UBAP2: variants seen among roughly 807,000 people sequenced by gnomAD.
UBAP2 encodes ubiquitin associated protein 2, also known as ubiquitin-associated protein 2.
A neutral mutation model predicts 139.6 loss-of-function variants in UBAP2; 75 were observed. The ratio of observed to expected loss-of-function variants is 0.54; its 90% CI spans 0.45 to 0.65. UBAP2 has a LOEUF of 0.65. Among genes scored for constraint, UBAP2 ranks in the 30% least tolerant of loss-of-function variants. The pLI is 0.00. For synonymous variants in UBAP2, 526 were observed against 526.2 expected (o/e 1.00, Z 0.01); for missense variants, 1,368 against 1,369.6 (o/e 1.00, Z 0.02).
chr9:34,016,097 AGAG>A (rs1824230982), intron 2 of UBAP2, among the ~76,000 whole-genome samples: 2 of 151,944 alleles, frequency 1.3e-5, no homozygotes. Flanking sequence ...GAGAAAAGGG[AGAG>A]GAGATGATGA....
In UBAP2 at chr9:33,953,432, A is replaced by ACTGTGC; in HGVS notation, c.908_909insGCACAG (p.His302_Ser303insArgHis). 1.9e-6 allele frequency: 3 copies of ACTGTGC among 1,614,148 alleles called. No homozygotes were observed. The highest frequency in any genetic ancestry group is 2.5e-6 in the Non-Finnish European group (3 of 1,180,006). On this transcript the variant is annotated inframe_insertion, in exon 12 of 29. Coordinates refer to ENST00000379238, the MANE Select transcript of UBAP2 (RefSeq NM_001370062.2). ...CAAAGGAGTTGGCTTCTGAGGCTTG[A>ACTGTGC]CTGTGAGGAACAGGCTTCTGGAGCA...
chr9:33,987,714 C>T (rs1207248813), intron 5 of UBAP2, among the ~76,000 whole-genome samples: 1 of 152,194 alleles, frequency 6.6e-6, no homozygotes, highest in Non-Finnish European at 1.5e-5. Flanking sequence ...TCTTTGTGGA[C>T]TTGCTGTGAA....
chr9:33,991,423 T>C (rs185181683), intron 4 of UBAP2, among the ~76,000 whole-genome samples: 1 of 152,290 alleles, frequency 6.6e-6, no homozygotes, highest in Admixed American at 6.5e-5. Flanking sequence ...CTAAGTAGTC[T>C]AGTGTATCCA....
chr9:33,986,725 T>C (rs372836688), intron 6 of UBAP2, 35 bp downstream of exon 6: 11 of 1,583,718 alleles, frequency 6.9e-6, no homozygotes, highest in African/African-American at 6.7e-5. Flanking sequence ...TTCCCCCTAA[T>C]TGAAAGCATT....
At chr9:33,981,579 C>T (rs1462049432) in intron 6 of UBAP2, among the ~76,000 whole-genome samples, 4 of 151,330 alleles carry the variant, frequency 2.6e-5, no homozygotes, top group Non-Finnish European at 4.4e-5. Context: ...ATCTTGAACT[C>T]CTGAGCTCAA....
At chr9:33,997,446 T>C (rs1024545387) in intron 3 of UBAP2, 4 of 152,224 alleles carry the variant, frequency 2.6e-5, no homozygotes, top group African/African-American at 9.6e-5. Flanking sequence ...GCAAAGCCCA[T>C]CTAGAACCCA....
intron 11 of UBAP2, among the ~76,000 whole-genome samples, chr9:33,954,486 G>A (rs1350539401): frequency 1.3e-5 from 2 of 152,068 alleles, no homozygotes; most frequent in African/African-American, 4.8e-5. Flanking sequence ...AGTAGGACCT[G>A]CCAGATGCAC....
intron 9 of UBAP2, among the ~76,000 whole-genome samples, 161 bp from the exon 10 acceptor site, chr9:33,961,039 C>T (rs763686232): frequency 1.3e-5 from 2 of 152,106 alleles, no homozygotes; most frequent in Admixed American, 6.6e-5. Context: ...AATCTATTCT[C>T]GGTAAAATCA....
At position 33,966,659 on chromosome 9, in the gene UBAP2, C is replaced by T. The variant is rs554215114; in HGVS notation, c.680-2868G>A. The stretch of plus-strand genomic sequence containing the variant: ...CAACATGTTGCATAATATTAACATA[C>T]AAATCTTGCATATACGTAGTCAGAA... On this transcript the variant is annotated intron_variant, in intron 8 of 28. Coordinates refer to ENST00000379238, the MANE Select transcript of UBAP2 (RefSeq NM_001370062.2). 7.9e-5 allele frequency among the ~76,000 whole-genome samples: 12 copies of T among 152,102 alleles called. No individual in the cohort carries two copies. In the East Asian group the frequency reaches 2.3e-3, roughly 29 times the overall value.
At chr9:33,951,374 G>C (rs1164102767) in intron 12 of UBAP2, among the ~76,000 whole-genome samples, 1 of 103,410 alleles carries the variant, frequency 9.7e-6, no homozygotes, top group East Asian at 3.5e-4. Context: ...TTGAGATAGA[G>C]TTTCTCTCGT....
In UBAP2 at chr9:33,973,169, T is replaced by A. The variant is rs780084527; in HGVS notation, c.575+14A>T. 1 of 1,612,338 alleles carries A rather than the reference T, an allele frequency of 6.2e-7. No homozygotes were observed. The highest frequency in any genetic ancestry group is 8.5e-7 in the Non-Finnish European group (1 of 1,178,924). On this transcript the variant is annotated intron_variant, in intron 7 of 28. Transcript: ENST00000379238. Reference sequence around the variant, plus strand: ...GAAGTAAATAATTATAAAAATAGGATGGCTATCACTTACCCCATGCCTTGG... The same window carrying A: ...GAAGTAAATAATTATAAAAATAGGAAGGCTATCACTTACCCCATGCCTTGG...
Position 33,987,756 on chromosome 9 carries a change from G to A in UBAP2, c.443-919C>T, listed in dbSNP as rs193169116. ...GCTTCAAAAAAACTACTTCCATTAT[G>A]CAACTACGTTAATGTATCACAGAAT... On this transcript the variant is annotated intron_variant, in intron 5 of 28. Transcript: ENST00000379238. Among the ~76,000 whole-genome samples the A allele has an allele frequency of 5.3e-5, 8 of 152,240 alleles. 1 individual carries two copies. Among genetic ancestry groups the A allele is most frequent in the Admixed American group, 3.3e-4 (5 of 15,288 alleles).
intron 2 of UBAP2, among the ~76,000 whole-genome samples, chr9:34,005,496 T>C (rs1823128372): frequency 6.6e-6 from 1 of 151,870 alleles, no homozygotes; most frequent in Non-Finnish European, 1.5e-5. Flanking sequence ...GTTTTTCTAT[T>C]TCTTCTTTAA....
At chr9:33,948,684 C>A in intron 12 of UBAP2, 97 bp from the exon 13 acceptor site, 1 of 1,001,374 alleles carries the variant, frequency 1.0e-6, no homozygotes, top group South Asian at 1.6e-5. Context: ...ATGTTAAAAC[C>A]TATAATCTAA....
chr9:34,046,536 C>G (rs370740927), intron 1 of UBAP2, among the ~76,000 whole-genome samples: 102 of 148,940 alleles, frequency 6.8e-4, no homozygotes, highest in African/African-American at 2.5e-3. Flanking sequence ...GCCAGCTACT[C>G]GGGAGGCTGA....
intron 6 of UBAP2, among the ~76,000 whole-genome samples, chr9:33,977,523 G>T (rs987466949): frequency 6.6e-6 from 1 of 152,032 alleles, no homozygotes; most frequent in Non-Finnish European, 1.5e-5. Flanking sequence ...TCAGAATAAA[G>T]ATCCAGAGTC....
At chr9:33,933,928 T>G (rs758141548) in intron 17 of UBAP2, 3 of 274,896 alleles carry the variant, frequency 1.1e-5, no homozygotes, top group African/African-American at 2.1e-5. Context: ...TAAAGGAACC[T>G]AAGCTGTAGA....
chr9:34,005,374 G>GC lies in UBAP2; in HGVS notation c.100-6511dup, dbSNP rs568563076. 1.1e-4 allele frequency among the ~76,000 whole-genome samples: 16 copies of GC among 148,890 alleles called. No individual in the cohort carries two copies. In the East Asian group the frequency reaches 2.7e-3, roughly 26 times the overall value. ...CGCTTGAACCTGGGAGGCAGAGGGT[G>GC]CAGTGAGCCTAGATCATGCCATTGC... On this transcript the variant is annotated intron_variant, in intron 2 of 28. Coordinates refer to ENST00000379238, the MANE Select transcript of UBAP2 (RefSeq NM_001370062.2).
chr9:33,924,140 T>A, intron 23 of UBAP2, 66 bp downstream of exon 23: 1 of 1,597,832 alleles, frequency 6.3e-7, no homozygotes, highest in South Asian at 1.1e-5. Context: ...CTGTTGCTGC[T>A]TCCCAGCTCC....
Sources: gnomAD v4.1 joint callset for allele counts (sites outside exome capture counted in the v4.1 genomes callset) on GRCh38, gnomAD v4.1.1 for gene constraint, MANE v1.5 for transcripts, NCBI Gene and HGNC (gene_info 2026-07-23, HGNC 2026-07-21) for gene names.